Variants in CABLES1 observed in about 807,000 individuals in gnomAD.
The protein encoded by CABLES1 is CDK5 and ABL1 enzyme substrate 1.
A neutral mutation model predicts 57.8 loss-of-function variants in CABLES1; 36 were observed. The observed-to-expected ratio is 0.62, with a 90% confidence interval of 0.48 to 0.82. The LOEUF is 0.82. Ranked by LOEUF, CABLES1 falls within the 40% of genes least tolerant of loss-of-function variation. The pLI, the probability that CABLES1 is intolerant of heterozygous loss-of-function variation, is 0.00. For missense variants in CABLES1, 767 were observed against 836.6 expected, an observed-to-expected ratio of 0.92 and a Z score of 1.03; for synonymous variants, 374 against 363.0, an observed-to-expected ratio of 1.03 and a Z score of -0.35.
intron 1 of CABLES1, among the ~76,000 whole-genome samples, chr18:23,157,937 A>G (rs904642903): frequency 6.6e-6 from 1 of 152,168 alleles, no homozygotes; most frequent in Non-Finnish European, 1.5e-5. Context: ...TGGGCAATTT[A>G]TAAATAAAGT....
chr18:23,193,277 G>A (rs969750093), intron 2 of CABLES1, among the ~76,000 whole-genome samples: 8 of 150,374 alleles, frequency 5.3e-5, no homozygotes, highest in South Asian at 2.1e-4. Flanking sequence ...TTGCAACCTC[G>A]GCCTCCCGGG....
chr18:23,173,996 A>G (rs910462876), intron 1 of CABLES1, among the ~76,000 whole-genome samples: 3 of 152,172 alleles, frequency 2.0e-5, no homozygotes, highest in Admixed American at 2.0e-4. Context: ...GTTATTGTTC[A>G]GTGGTTTTTA....
intron 7 of CABLES1, 95 bp from the exon 8 acceptor site, chr18:23,252,865 G>A: frequency 1.3e-6 from 1 of 770,166 alleles, no homozygotes; most frequent in Non-Finnish European, 2.2e-6. Context: ...CGTTGCTCAT[G>A]GCTTTGGGAG....
chr18:23,187,638 C>G (rs577595967), intron 1 of CABLES1, among the ~76,000 whole-genome samples: 3 of 152,274 alleles, frequency 2.0e-5, no homozygotes, highest in Admixed American at 6.5e-5. Flanking sequence ...CAGCCTGCCT[C>G]GGCCTCCCAA....
rs2047625225 is a variant in CABLES1, at chr18:23,237,160, TTA to T, written c.1363_1364del (p.Met455GlyfsTer3). The stretch of plus-strand genomic sequence containing the variant: ...TCTTCAGGTAGTGACCTGGGAGACT[TTA>T]TGGACTATGACCCAAATCTCTTGGA... On this transcript the variant is annotated frameshift_variant, in exon 7 of 10. Transcript: ENST00000256925. LOFTEE classifies it high-confidence loss of function. 1 of 1,612,518 alleles carries T rather than the reference TTA, an allele frequency of 6.2e-7. No individual in the cohort carries two copies.
chr18:23,228,289 A>T (rs1191209507), intron 4 of CABLES1, among the ~76,000 whole-genome samples: 2 of 152,180 alleles, frequency 1.3e-5, no homozygotes, highest in Admixed American at 1.3e-4. Context: ...GAAACTAAAA[A>T]TCATTTTGCC....
chr18:23,159,853 T>C (rs1252916009), intron 1 of CABLES1, among the ~76,000 whole-genome samples: 1 of 152,024 alleles, frequency 6.6e-6, no homozygotes, highest in Non-Finnish European at 1.5e-5. Context: ...AAAATTTAGG[T>C]AGAGAAAATG....
At chr18:23,196,225 A>G (rs1337887054) in intron 3 of CABLES1, among the ~76,000 whole-genome samples, 1 of 152,232 alleles carries the variant, frequency 6.6e-6, no homozygotes, top group Non-Finnish European at 1.5e-5. Flanking sequence ...AGGGGGAGCC[A>G]AGAGGATTCT....
chr18:23,219,246 G>C, intron 4 of CABLES1: 1 of 454,102 alleles, frequency 2.2e-6, no homozygotes. Context: ...CCATCCCTCT[G>C]GTCCTCTGTC....
intron 2 of CABLES1, among the ~76,000 whole-genome samples, chr18:23,190,823 C>T (rs1385885705): frequency 6.6e-6 from 1 of 152,098 alleles, no homozygotes; most frequent in Non-Finnish European, 1.5e-5. Flanking sequence ...CACCTATCAT[C>T]CTAGCACTTG....
intron 2 of CABLES1, among the ~76,000 whole-genome samples, chr18:23,192,013 C>T (rs114809642): frequency 6.7e-6 from 1 of 149,164 alleles, no homozygotes; most frequent in African/African-American, 2.5e-5. Context: ...GAATTGGGTG[C>T]TGATATGGAA....
intron 9 of CABLES1, among the ~76,000 whole-genome samples, chr18:23,255,661 G>A (rs1248048113): frequency 6.7e-6 from 1 of 150,180 alleles, no homozygotes; most frequent in East Asian, 2.0e-4. Flanking sequence ...CCAGACTCAA[G>A]CAATCCTCCC....
chr18:23,136,341 A>C lies in CABLES1; in HGVS notation c.579A>C (p.Gln193His). 6.9e-7 allele frequency: 1 copy of C among 1,459,280 alleles called. No individual in the cohort carries two copies. Among genetic ancestry groups the C allele is most frequent in the South Asian group, 1.4e-5 (1 of 71,844 alleles). The allele number at this position is 1,459,280 out of a possible 1,614,324, so 90.4% of individuals were successfully genotyped here. Residue 193 changes from glutamine (Q) to histidine (H), a missense_variant, in exon 1 of 10, where the codon CAA (glutamine) becomes CAC (histidine). By Grantham distance (24) the Gln-to-His change is conservative. Around this residue, in one of 4 missense-constraint regions of CABLES1, gnomAD observed 529 missense variants for 622.8 expected, o/e 0.85. Coordinates refer to ENST00000256925, the MANE Select transcript of CABLES1 (RefSeq NM_001100619.3). ...PRPAPLAACA[Q>H]LQLLDGSGAA... ...CGGCGCCTCTCGCCGCCTGTGCCCAACTGCAGCTGCTCGACGGGTCCGGGG... is the reference window on the plus strand; with the variant it reads ...CGGCGCCTCTCGCCGCCTGTGCCCACCTGCAGCTGCTCGACGGGTCCGGGG...
At chr18:23,191,115 T>A (rs1242261550) in intron 2 of CABLES1, among the ~76,000 whole-genome samples, 1 of 149,120 alleles carries the variant, frequency 6.7e-6, no homozygotes, top group Non-Finnish European at 1.5e-5. Context: ...ACCAGGCACA[T>A]GGATGTGCAC....
chr18:23,188,827 T>C lies in CABLES1; in HGVS notation c.846-11T>C, dbSNP rs1242178769. 1.2e-6 allele frequency: 2 copies of C among 1,611,864 alleles called. No individual in the cohort carries two copies. The highest frequency in any genetic ancestry group is 1.7e-5 in the Admixed American group (1 of 60,012). ...AGTTTTAACTCCCAGATTTTTTCCT[T>C]CTTTCTGCAGACGGCGCCTCATCTC... On this transcript the variant is annotated splice_polypyrimidine_tract_variant and intron_variant, in intron 1 of 9. Coordinates refer to ENST00000256925, the MANE Select transcript of CABLES1 (RefSeq NM_001100619.3).
chr18:23,155,609 G>C (rs192662430), intron 1 of CABLES1, among the ~76,000 whole-genome samples: 1 of 152,198 alleles, frequency 6.6e-6, no homozygotes, highest in Admixed American at 6.5e-5. Flanking sequence ...TTGTTGAGCC[G>C]TGTCCAGAGC....
intron 1 of CABLES1, among the ~76,000 whole-genome samples, chr18:23,178,154 TC>T (rs1315924380): frequency 1.3e-5 from 2 of 151,924 alleles, no homozygotes; most frequent in Non-Finnish European, 2.9e-5. Context: ...TCCAATGTGT[TC>T]TGTAGCAAGA....
At chr18:23,182,427 G>T (rs1187869723) in intron 1 of CABLES1, among the ~76,000 whole-genome samples, 1 of 152,204 alleles carries the variant, frequency 6.6e-6, no homozygotes, top group Non-Finnish European at 1.5e-5. Flanking sequence ...TTAGGAGAAG[G>T]TTCTCACCCG....
At chr18:23,159,879 TTC>T (rs1439797213) in intron 1 of CABLES1, among the ~76,000 whole-genome samples, 3 of 148,844 alleles carry the variant, frequency 2.0e-5, no homozygotes, top group African/African-American at 7.3e-5. Flanking sequence ...TTGATTTTCT[TTC>T]TTTTTTTTTT....
Sources: allele counts gnomAD v4.1 joint callset (sites outside exome capture counted in the v4.1 genomes callset), GRCh38; gene constraint gnomAD v4.1.1; regional missense constraint gnomAD v4.1.1; transcripts MANE v1.5; gene names NCBI Gene and HGNC (gene_info 2026-07-23, HGNC 2026-07-21).